Variants in PYGO1 observed in about 807,000 individuals in gnomAD.
The protein encoded by PYGO1 is pygopus family PHD finger 1, also known as pygopus homolog 1.
In PYGO1, 6 loss-of-function variants were observed where a neutral mutation model predicts 29.5. That is an observed-to-expected ratio of 0.20 (90% CI 0.11 to 0.40). The LOEUF (loss-of-function observed/expected upper bound fraction) is 0.40. Among genes scored for constraint, PYGO1 ranks in the 10% least tolerant of loss-of-function variants. The pLI, the probability that PYGO1 is intolerant of heterozygous loss-of-function variation, is 1.00. For synonymous variants in PYGO1, 186 were observed against 180.5 expected, an observed-to-expected ratio of 1.03 and a Z score of -0.24; for missense variants, 515 against 514.9, an observed-to-expected ratio of 1.00 and a Z score of 0.00.
chr15:55,549,635 A>C (rs1356296507), intron 1 of PYGO1, among the ~76,000 whole-genome samples: 1 of 152,216 alleles, frequency 6.6e-6, no homozygotes, highest in Admixed American at 6.5e-5. Context: ...GAATTATGGC[A>C]TCAAAGGTAT....
intron 1 of PYGO1, among the ~76,000 whole-genome samples, chr15:55,569,369 A>C (rs1449560897): frequency 6.6e-6 from 1 of 152,100 alleles, no homozygotes; most frequent in Non-Finnish European, 1.5e-5. Flanking sequence ...TCTAGGTGTG[A>C]TGTTAGATCA....
chr15:55,583,559 T>G (rs1004265193), intron 1 of PYGO1, among the ~76,000 whole-genome samples: 11 of 152,128 alleles, frequency 7.2e-5, no homozygotes, highest in Non-Finnish European at 1.6e-4. Flanking sequence ...CTCTGTCACC[T>G]AGGCTGGAGT....
Position 55,544,058 on chromosome 15 carries a change from T to C in PYGO1, c.*1965A>G, listed in dbSNP as rs2058839178. 6.6e-6 allele frequency: 1 copy of C among 152,154 alleles called. No homozygotes were observed. The highest frequency in any genetic ancestry group is 2.4e-5 in the African/African-American group (1 of 41,440). 9.4% of individuals were successfully genotyped at this position (152,154 alleles called of 1,614,324 possible). On this transcript the variant is annotated 3_prime_UTR_variant, in exon 3 of 3. Coordinates refer to ENST00000563719, the MANE Select transcript of PYGO1 (RefSeq NM_001367806.1). ...GTACCTAGAAGTATAGTTTATATCA[T>C]TTTGTTTCCTAAAATTGTAAAGATA...
At chr15:55,560,611 A>G (rs59534767) in intron 1 of PYGO1, among the ~76,000 whole-genome samples, 1 of 152,208 alleles carries the variant, frequency 6.6e-6, no homozygotes, top group African/African-American at 2.4e-5. Flanking sequence ...TGCCCAAAGT[A>G]ATTTATAGAC....
chr15:55,574,704 T>C (rs1027877404), intron 1 of PYGO1, among the ~76,000 whole-genome samples: 1 of 152,032 alleles, frequency 6.6e-6, no homozygotes, highest in Non-Finnish European at 1.5e-5. Context: ...CAAAGATATA[T>C]GATATATAAA....
intron 1 of PYGO1, among the ~76,000 whole-genome samples, chr15:55,579,618 C>G (rs1257620220): frequency 6.6e-6 from 1 of 152,090 alleles, no homozygotes; most frequent in African/African-American, 2.4e-5. Flanking sequence ...TGGGTTCAAG[C>G]AATCTTACTA....
intron 1 of PYGO1, among the ~76,000 whole-genome samples, chr15:55,553,349 T>TC (rs982019121): frequency 1.3e-5 from 2 of 150,884 alleles, no homozygotes; most frequent in African/African-American, 2.4e-5. Flanking sequence ...AAAGAAGGAT[T>TC]CCCCCCAGTG....
At chr15:55,569,218 A>G (rs576056863) in intron 1 of PYGO1, among the ~76,000 whole-genome samples, 11 of 152,214 alleles carry the variant, frequency 7.2e-5, no homozygotes, top group Admixed American at 6.5e-4. Flanking sequence ...CTATAAATTC[A>G]TTTGATCCTA....
At chr15:55,556,778 T>A (rs756192736) in intron 1 of PYGO1, among the ~76,000 whole-genome samples, 1 of 92,936 alleles carries the variant, frequency 1.1e-5, no homozygotes. Context: ...AAGAATCAAA[T>A]AGACACAATC....
chr15:55,584,274 C>T (rs62021877), intron 1 of PYGO1, among the ~76,000 whole-genome samples: 8,226 of 152,006 alleles, frequency 0.054, 277 homozygotes, highest in Middle Eastern at 0.071. Flanking sequence ...CATGCCACCA[C>T]GCCCAGCTAA....
chr15:55,579,047 C>G (rs540630781), intron 1 of PYGO1, among the ~76,000 whole-genome samples: 4 of 152,204 alleles, frequency 2.6e-5, no homozygotes, highest in African/African-American at 9.6e-5. Flanking sequence ...TATAATCCCA[C>G]TTGGGAAGAT....
At chr15:55,551,106 G>A (rs201613401) in intron 1 of PYGO1, among the ~76,000 whole-genome samples, 7 of 152,324 alleles carry the variant, frequency 4.6e-5, no homozygotes, top group East Asian at 3.9e-4. Flanking sequence ...TCGCTCACCC[G>A]CCAGTCACCT....
chr15:55,566,050 G>C (rs951144660), intron 1 of PYGO1, among the ~76,000 whole-genome samples: 1 of 152,152 alleles, frequency 6.6e-6, no homozygotes, highest in Admixed American at 6.5e-5. Context: ...CAAAGTGCTG[G>C]GATTACAGGC....
intron 1 of PYGO1, among the ~76,000 whole-genome samples, chr15:55,553,004 G>A (rs573044968): frequency 6.6e-6 from 1 of 152,308 alleles, no homozygotes; most frequent in Admixed American, 6.5e-5. Context: ...GCAAGTTCCT[G>A]GGGGAGGGGT....
intron 1 of PYGO1, among the ~76,000 whole-genome samples, chr15:55,562,186 C>T (rs904882442): frequency 6.6e-6 from 1 of 152,108 alleles, no homozygotes; most frequent in Admixed American, 6.5e-5. Context: ...AGTCAAGAAA[C>T]AACAGATGCT....
intron 1 of PYGO1, among the ~76,000 whole-genome samples, chr15:55,554,907 G>A (rs773870412): frequency 1.1e-4 from 17 of 152,130 alleles, no homozygotes; most frequent in Admixed American, 4.6e-4. Flanking sequence ...GAAAAAGGGG[G>A]AGAATGGAAC....
rs148716691 is a variant in PYGO1, at chr15:55,547,025, C to T, written c.258G>A (p.Ser86=). ...YNTISYKPLP[S]SNPYLGPGYP... ...AACCAGGGCCAAGATATGGATTTGACGAAGGTAGTGGTTTATAGGAAATAG... is the reference window on the plus strand; with the variant it reads ...AACCAGGGCCAAGATATGGATTTGATGAAGGTAGTGGTTTATAGGAAATAG... Residue 86 remains serine (S), a synonymous_variant, in exon 3 of 3, where the codon TCG becomes TCA. Coordinates refer to ENST00000563719, the MANE Select transcript of PYGO1 (RefSeq NM_001367806.1). 540 of 1,613,596 alleles carry T rather than the reference C, an allele frequency of 3.3e-4. No individual in the cohort carries two copies. Among genetic ancestry groups the T allele is most frequent in the African/African-American group, 2.6e-3 (193 of 74,856 alleles).
In PYGO1 at chr15:55,546,974, T is replaced by C. The variant is rs370145443; in HGVS notation, c.309A>G (p.Thr103=). Residue 103 remains threonine (T), a synonymous_variant, in exon 3 of 3, where the codon ACA becomes ACG. Coordinates refer to ENST00000563719, the MANE Select transcript of PYGO1 (RefSeq NM_001367806.1). ...PGYPGFGGYS[T]FRMPPHVPPR... is the part of the protein sequence containing the mutation. ...GGGGAACGTGAGGTGGCATTCTGAA[T>C]GTACTATAGCCTCCAAAGCCAGGAT... is the stretch of plus-strand genomic sequence containing the variant. 4.3e-5 allele frequency: 70 copies of C among 1,613,946 alleles called. No individual in the cohort carries two copies. The highest frequency in any genetic ancestry group is 3.8e-4 in the Admixed American group (23 of 59,986).
At chr15:55,569,578 T>G (rs190780973) in intron 1 of PYGO1, among the ~76,000 whole-genome samples, 4 of 152,354 alleles carry the variant, frequency 2.6e-5, no homozygotes, top group Admixed American at 2.0e-4. Context: ...CAAGAGCAAG[T>G]TGTTTAACTT....
Sources: gnomAD v4.1 joint callset for allele counts (sites outside exome capture counted in the v4.1 genomes callset) on GRCh38, gnomAD v4.1.1 for gene constraint, MANE v1.5 for transcripts, NCBI Gene and HGNC (gene_info 2026-07-23, HGNC 2026-07-21) for gene names.